Variants in MAGI1 observed in about 807,000 individuals in gnomAD.
The protein encoded by MAGI1 is membrane-associated guanylate kinase, WW and PDZ domain-containing protein 1.
In MAGI1, 58 loss-of-function variants were observed where a neutral mutation model predicts 139.9. The observed-to-expected ratio is 0.41, with a 90% CI of 0.34 to 0.52. MAGI1 has a LOEUF of 0.52. MAGI1 is among the 20% of genes least tolerant of loss of function. The pLI, the probability that MAGI1 is intolerant of heterozygous loss-of-function variation, is 0.12. For synonymous variants in MAGI1, 812 were observed against 737.9 expected (o/e 1.10, Z -1.63); for missense variants, 1,874 against 1,901.6 (o/e 0.99, Z 0.27).
At chr3:65,493,394 A>G (rs1952197945) in intron 3 of MAGI1, 118 bp downstream of exon 3, 2 of 1,172,120 alleles carry the variant, frequency 1.7e-6, no homozygotes, top group African/African-American at 1.5e-5. Flanking sequence ...GGTGAACTGA[A>G]ATCTCCTGTT....
At chr3:65,484,881 T>C (rs1373056652) in intron 3 of MAGI1, among the ~76,000 whole-genome samples, 1 of 152,196 alleles carries the variant, frequency 6.6e-6, no homozygotes, top group African/African-American at 2.4e-5. Flanking sequence ...CCCTTTATTG[T>C]ATATAGCAGA....
At chr3:65,971,680 G>A (rs2065019734) in intron 1 of MAGI1, among the ~76,000 whole-genome samples, 1 of 152,196 alleles carries the variant, frequency 6.6e-6, no homozygotes. Context: ...TCGTGAAGCA[G>A]ACTCGGGCAC....
intron 3 of MAGI1, 37 bp downstream of exon 3, chr3:65,493,475 G>A (rs758021805): frequency 8.1e-6 from 13 of 1,613,898 alleles, no homozygotes; most frequent in Middle Eastern, 1.7e-4. Flanking sequence ...AAGTACCCAG[G>A]AGAGAAGCTT....
At chr3:65,463,902 GT>G (rs36087537) in intron 5 of MAGI1, among the ~76,000 whole-genome samples, 28,066 of 152,092 alleles carry the variant, frequency 0.18, 2,899 homozygotes, top group Non-Finnish European at 0.24. Flanking sequence ...AGATTTTCTA[GT>G]TTATTTGCAT....
intron 12 of MAGI1, among the ~76,000 whole-genome samples, chr3:65,405,454 C>T (rs935915550): frequency 6.6e-6 from 1 of 152,068 alleles, no homozygotes; most frequent in Non-Finnish European, 1.5e-5. Context: ...AGGTTATGTG[C>T]GAAAACAGTA....
intron 1 of MAGI1, among the ~76,000 whole-genome samples, chr3:65,628,156 T>A (rs2084086785): frequency 6.6e-6 from 1 of 152,126 alleles, no homozygotes; most frequent in South Asian, 2.1e-4. Context: ...CATTTCTGAA[T>A]TCATCCCCAA....
intron 2 of MAGI1, 138 bp from the exon 3 acceptor site, chr3:65,493,769 A>T: frequency 1.0e-6 from 1 of 973,384 alleles, no homozygotes. Flanking sequence ...CCAGACAGGG[A>T]CACAGTAAAG....
At chr3:65,807,333 T>C (rs970962783) in intron 1 of MAGI1, among the ~76,000 whole-genome samples, 1 of 152,148 alleles carries the variant, frequency 6.6e-6, no homozygotes, top group African/African-American at 2.4e-5. Flanking sequence ...TTACTGTACA[T>C]TGACATATAG....
At chr3:65,611,254 CAT>C (rs2083083910) in intron 2 of MAGI1, among the ~76,000 whole-genome samples, 1 of 139,432 alleles carries the variant, frequency 7.2e-6, no homozygotes, top group Non-Finnish European at 1.5e-5. Flanking sequence ...ATACTATATA[CAT>C]ATATAGTATA....
intron 1 of MAGI1, among the ~76,000 whole-genome samples, chr3:65,786,117 G>A (rs1301580843): frequency 3.3e-5 from 5 of 151,514 alleles, no homozygotes; most frequent in East Asian, 1.9e-4. Flanking sequence ...CATCACACCC[G>A]GCTAATTTTT....
At chr3:65,670,683 C>T in intron 1 of MAGI1, among the ~76,000 whole-genome samples, 1 of 152,162 alleles carries the variant, frequency 6.6e-6, no homozygotes, top group East Asian at 1.9e-4. Flanking sequence ...ATGTTTGGTA[C>T]CCATGGAGCT....
chr3:65,712,390 G>T (rs2031575071), intron 1 of MAGI1, among the ~76,000 whole-genome samples: 1 of 149,152 alleles, frequency 6.7e-6, no homozygotes, highest in African/African-American at 2.5e-5. Flanking sequence ...TGTGAGTCAG[G>T]AATCCTTCCA....
chr3:65,657,555 A>G (rs982706722), intron 1 of MAGI1, among the ~76,000 whole-genome samples: 6 of 152,194 alleles, frequency 3.9e-5, no homozygotes, highest in African/African-American at 1.4e-4. Flanking sequence ...TTATTTAGGG[A>G]GCCAGTTGTA....
intron 4 of MAGI1, among the ~76,000 whole-genome samples, chr3:65,470,726 A>T (rs867784155): frequency 1.3e-5 from 2 of 152,314 alleles, no homozygotes; most frequent in Middle Eastern, 6.8e-3. Flanking sequence ...AAGGGGGAAA[A>T]AATCCCAAGT....
chr3:65,401,368 A>ACCCAGCCCCCCCCCCCCC, intron 13 of MAGI1, 71 bp downstream of exon 13: 2 of 1,323,544 alleles, frequency 1.5e-6, no homozygotes, highest in Non-Finnish European at 2.1e-6. Flanking sequence ...CACACAGAGT[A>ACCCAGCCCCCCCCCCCCC]CCCTCCCACC....
chr3:65,508,493 T>G (rs1559620193), intron 2 of MAGI1, among the ~76,000 whole-genome samples: 1 of 152,192 alleles, frequency 6.6e-6, no homozygotes, highest in Non-Finnish European at 1.5e-5. Flanking sequence ...AAGACAATAG[T>G]CTTTAAATAG....
At chr3:65,576,970 C>G (rs1331995388) in intron 2 of MAGI1, among the ~76,000 whole-genome samples, 1 of 152,184 alleles carries the variant, frequency 6.6e-6, no homozygotes, top group Non-Finnish European at 1.5e-5. Context: ...AGAACAGTGC[C>G]AGACACAGAG....
intron 1 of MAGI1, among the ~76,000 whole-genome samples, chr3:65,771,839 C>T (rs554981423): frequency 6.6e-6 from 1 of 152,296 alleles, no homozygotes; most frequent in African/African-American, 2.4e-5. Context: ...GTCTGAAGTC[C>T]ATTCTATGAG....
intron 10 of MAGI1, among the ~76,000 whole-genome samples, chr3:65,433,457 C>T (rs879566651): frequency 2.6e-5 from 4 of 152,142 alleles, no homozygotes; most frequent in Non-Finnish European, 5.9e-5. Context: ...GAGGGTTTCA[C>T]ATTTATGCAC....
Sources: gnomAD v4.1 joint callset for allele counts (sites outside exome capture counted in the v4.1 genomes callset) on GRCh38, gnomAD v4.1.1 for gene constraint, MANE v1.5 for transcripts, NCBI Gene and HGNC (gene_info 2026-07-23, HGNC 2026-07-21) for gene names.